GALNT13: variants seen among roughly 807,000 people sequenced by gnomAD.
GALNT13 encodes the protein polypeptide N-acetylgalactosaminyltransferase 13, also known as UDP-GalNAc:polypeptide N-acetylgalactosaminyltransferase 13.
In GALNT13, 28 loss-of-function variants were observed where a neutral mutation model predicts 64.2. That is an observed-to-expected ratio of 0.44 (90% CI 0.32 to 0.60). GALNT13 has a LOEUF of 0.60. Among genes scored for constraint, GALNT13 ranks in the 20% least tolerant of loss-of-function variants. The probability of loss-of-function intolerance (pLI) is 0.05; values close to 1 mark genes in which losing one functional copy is unlikely to be tolerated. For synonymous variants in GALNT13, 214 were observed against 224.6 expected, an observed-to-expected ratio of 0.95 and a Z score of 0.42; for missense variants, 577 against 669.8, an observed-to-expected ratio of 0.86 and a Z score of 1.53.
the GALNT13 span, among the ~76,000 whole-genome samples, chr2:153,816,225 A>T: frequency 1.3e-5 from 2 of 152,218 alleles, no homozygotes; most frequent in Non-Finnish European, 2.9e-5. Flanking sequence ...GACAAGAGCC[A>T]TCCGAATCTG....
the GALNT13 span, among the ~76,000 whole-genome samples, chr2:153,350,370 C>G: frequency 7.2e-6 from 1 of 138,108 alleles, no homozygotes; most frequent in Admixed American, 7.2e-5. Flanking sequence ...TATGCATGGT[C>G]TGTTTCTTTC....
chr2:153,533,174 G>T, the GALNT13 span, among the ~76,000 whole-genome samples: 1 of 151,906 alleles, frequency 6.6e-6, no homozygotes, highest in African/African-American at 2.4e-5. Context: ...TTCATTTTCT[G>T]TAATTTGAAA....
chr2:154,007,986 C>T (rs571149966), intron 3 of GALNT13, among the ~76,000 whole-genome samples: 27 of 152,148 alleles, frequency 1.8e-4, no homozygotes, highest in Non-Finnish European at 3.5e-4. Flanking sequence ...TCCGTCAGTG[C>T]CCCCCAACTA....
At chr2:153,166,621 A>G in the GALNT13 span, among the ~76,000 whole-genome samples, 756 of 122,744 alleles carry the variant, frequency 6.2e-3, 5 homozygotes, top group Middle Eastern at 0.023. Flanking sequence ...TGCCTACTGC[A>G]TGTGTGTGTG....
At chr2:153,718,164 C>T in the GALNT13 span, among the ~76,000 whole-genome samples, 2 of 151,944 alleles carry the variant, frequency 1.3e-5, no homozygotes, top group Non-Finnish European at 2.9e-5. Context: ...CTAGTTTCAT[C>T]ATTGTTACTA....
chr2:153,588,328 T>G, the GALNT13 span, among the ~76,000 whole-genome samples: 1 of 152,232 alleles, frequency 6.6e-6, no homozygotes, highest in Non-Finnish European at 1.5e-5. Context: ...TGCACTGCCC[T>G]AGCAGAGGTT....
chr2:153,831,413 C>T, the GALNT13 span, among the ~76,000 whole-genome samples: 14 of 152,268 alleles, frequency 9.2e-5, no homozygotes, highest in African/African-American at 2.9e-4. Context: ...TTCTTCTCAT[C>T]GGCTTCCTGT....
At chr2:153,326,600 G>A in the GALNT13 span, among the ~76,000 whole-genome samples, 1 of 152,060 alleles carries the variant, frequency 6.6e-6, no homozygotes, top group Admixed American at 6.5e-5. Context: ...TTACATTTTG[G>A]TATGTTTTTG....
chr2:153,364,377 G>A, the GALNT13 span, among the ~76,000 whole-genome samples: 1 of 151,942 alleles, frequency 6.6e-6, no homozygotes, highest in African/African-American at 2.4e-5. Flanking sequence ...ACTATTGGAA[G>A]TTCTGGCCAA....
chr2:153,508,253 G>A, the GALNT13 span, among the ~76,000 whole-genome samples: 1 of 152,158 alleles, frequency 6.6e-6, no homozygotes, highest in Admixed American at 6.5e-5. Flanking sequence ...CTCAGGCAGT[G>A]GGCAGGGCCA....
chr2:154,119,098 G>A, intron 3 of GALNT13, among the ~76,000 whole-genome samples: 1 of 152,076 alleles, frequency 6.6e-6, no homozygotes, highest in East Asian at 1.9e-4. Flanking sequence ...CTCCCATTAA[G>A]ATTCCTGTAA....
rs192803371 is a variant in GALNT13, at chr2:153,925,755, C to A, written c.-104-18639C>A. 2.8e-4 allele frequency among the ~76,000 whole-genome samples: 43 copies of A among 152,028 alleles called. 1 individual carries two copies. The South Asian group carries it at 7.1e-3, about 25-fold the overall frequency. ...TCTTTTAGCAGTGCTTTGTAGTTCC[C>A]CTTGAAGAGGTCCTTTATTTCCCTT... On this transcript the variant is annotated intron_variant, in intron 2 of 12. Coordinates refer to ENST00000392825, the MANE Select transcript of GALNT13 (RefSeq NM_052917.4).
chr2:153,344,304 C>T, the GALNT13 span, among the ~76,000 whole-genome samples: 1 of 152,178 alleles, frequency 6.6e-6, no homozygotes, highest in Admixed American at 6.5e-5. Flanking sequence ...ACTGAATTCA[C>T]TTGTCATTCC....
At chr2:153,405,609 G>T in the GALNT13 span, among the ~76,000 whole-genome samples, 4 of 152,088 alleles carry the variant, frequency 2.6e-5, no homozygotes, top group Non-Finnish European at 5.9e-5. Context: ...CTCTATCAAT[G>T]AGTACTAAGG....
intron 4 of GALNT13, among the ~76,000 whole-genome samples, chr2:154,143,689 C>T (rs981297301): frequency 6.6e-6 from 1 of 151,236 alleles, no homozygotes; most frequent in African/African-American, 2.4e-5. Context: ...GGTGAAACCC[C>T]GTCTCTACTA....
chr2:154,116,092 G>A (rs1681532421), intron 3 of GALNT13, among the ~76,000 whole-genome samples: 1 of 152,140 alleles, frequency 6.6e-6, no homozygotes, highest in Non-Finnish European at 1.5e-5. Context: ...GTTGCCTCAG[G>A]CAGAACAGGG....
chr2:153,623,746 G>A, the GALNT13 span, among the ~76,000 whole-genome samples: 1 of 151,906 alleles, frequency 6.6e-6, no homozygotes, highest in Non-Finnish European at 1.5e-5. Flanking sequence ...AATTTATAGG[G>A]ACAAGTATAT....
the GALNT13 span, among the ~76,000 whole-genome samples, chr2:153,671,105 G>C: frequency 6.6e-6 from 1 of 152,254 alleles, no homozygotes; most frequent in African/African-American, 2.4e-5. Context: ...GGGGAGAATG[G>C]AACCAAGGTA....
the GALNT13 span, among the ~76,000 whole-genome samples, chr2:153,267,389 A>G: frequency 6.6e-6 from 1 of 152,208 alleles, no homozygotes; most frequent in East Asian, 1.9e-4. Flanking sequence ...TCCTGGACAT[A>G]CAGGTGTTTC....
Sources: gnomAD v4.1 joint callset for allele counts (sites outside exome capture counted in the v4.1 genomes callset) on GRCh38, gnomAD v4.1.1 for gene constraint, MANE v1.5 for transcripts, NCBI Gene and HGNC (gene_info 2026-07-23, HGNC 2026-07-21) for gene names.